NCKAP5: variants seen among roughly 807,000 people sequenced by gnomAD.
NCKAP5 encodes NCK associated protein 5.
In NCKAP5, 92 loss-of-function variants were observed where a neutral mutation model predicts 167.0. That is an observed-to-expected ratio of 0.55 (90% CI 0.47 to 0.66). NCKAP5 has a LOEUF of 0.66. Ranked by LOEUF, NCKAP5 falls within the 30% of genes least tolerant of loss-of-function variation. NCKAP5 has a pLI of 0.00. For synonymous variants in NCKAP5, 891 were observed against 877.4 expected (o/e 1.02, Z -0.27); for missense variants, 2,378 against 2,315.0 (o/e 1.03, Z -0.56).
At chr2:132,711,724 T>G (rs1410869275) in intron 19 of NCKAP5, among the ~76,000 whole-genome samples, 1 of 152,036 alleles carries the variant, frequency 6.6e-6, no homozygotes. Context: ...ACCCTCCTTT[T>G]CCCTCCCTCA....
chr2:133,369,222 T>C (rs1245946089), intron 3 of NCKAP5, among the ~76,000 whole-genome samples: 2 of 152,114 alleles, frequency 1.3e-5, no homozygotes, highest in African/African-American at 2.4e-5. Flanking sequence ...AGAAGTGGCA[T>C]GTAGGGTGGA....
rs567242460 is a variant in NCKAP5, at chr2:132,702,262, A to C, written c.5713+23365T>G. On this transcript the variant is annotated intron_variant, in intron 19 of 19. Transcript: ENST00000409261. ...AGCTCCCGTCCACTGTCACTTTGGA[A>C]AGGTTTGTGATGAGCAACATCAGAG... Among the ~76,000 whole-genome samples, 357 of 152,248 alleles carry C rather than the reference A, an allele frequency of 2.3e-3. 1 individual carries two copies. Among genetic ancestry groups the C allele is most frequent in the African/African-American group, 8.2e-3 (341 of 41,548 alleles).
intron 3 of NCKAP5, among the ~76,000 whole-genome samples, chr2:133,347,140 A>G (rs888414738): frequency 2.0e-5 from 3 of 152,252 alleles, no homozygotes; most frequent in African/African-American, 7.2e-5. Context: ...AAATACTCCT[A>G]AACGTAGTAA....
intron 15 of NCKAP5, among the ~76,000 whole-genome samples, chr2:132,780,227 C>A (rs929742031): frequency 3.3e-5 from 5 of 152,200 alleles, no homozygotes; most frequent in African/African-American, 1.2e-4. Flanking sequence ...TCTCGGCTCG[C>A]TGCAAGCTCT....
intron 5 of NCKAP5, among the ~76,000 whole-genome samples, chr2:133,198,958 G>T (rs955363677): frequency 4.6e-5 from 7 of 152,048 alleles, no homozygotes; most frequent in Non-Finnish European, 1.0e-4. Context: ...ATTGAGTTGT[G>T]CATGTAGAGA....
rs149415031 is a variant in NCKAP5 at position 133,205,403 on chromosome 2, A to C, written c.207+8313T>G. ...AAAATTGTCCATTTTATTCTCACTAAATTGTAATTCTACTTCCATTATATA... is the reference window on the plus strand; with the variant it reads ...AAAATTGTCCATTTTATTCTCACTACATTGTAATTCTACTTCCATTATATA... On this transcript the variant is annotated intron_variant, in intron 5 of 19. Coordinates refer to ENST00000409261, the MANE Select transcript of NCKAP5 (RefSeq NM_207363.3). 9.1e-4 allele frequency among the ~76,000 whole-genome samples: 139 copies of C among 152,240 alleles called. 1 individual carries two copies. The highest frequency in any genetic ancestry group is 3.0e-3 in the African/African-American group (126 of 41,552).
Position 133,034,529 on chromosome 2 carries a change from T to C in NCKAP5, c.342-40290A>G, listed in dbSNP as rs528669974. 7.3e-5 allele frequency among the ~76,000 whole-genome samples: 11 copies of C among 151,516 alleles called. No homozygotes were observed. The East Asian group carries it at 1.9e-3, about 27-fold the overall frequency. ...TCTTATTGTATGTAGAAAGACTAAATGATGAACTAATAAAAATAATAACTA... is the reference window on the plus strand; with the variant it reads ...TCTTATTGTATGTAGAAAGACTAAACGATGAACTAATAAAAATAATAACTA... On this transcript the variant is annotated intron_variant, in intron 6 of 19. Coordinates refer to ENST00000409261, the MANE Select transcript of NCKAP5 (RefSeq NM_207363.3).
intron 5 of NCKAP5, among the ~76,000 whole-genome samples, chr2:133,154,345 A>T (rs1298148641): frequency 6.6e-6 from 1 of 152,222 alleles, no homozygotes; most frequent in Non-Finnish European, 1.5e-5. Context: ...CTCACAAATG[A>T]GGGACCATGT....
chr2:133,187,866 T>C (rs1402128935), intron 5 of NCKAP5, among the ~76,000 whole-genome samples: 1 of 152,082 alleles, frequency 6.6e-6, no homozygotes, highest in Non-Finnish European at 1.5e-5. Flanking sequence ...TGAGCCTATA[T>C]GCGTTTGCAC....
At chr2:133,572,847 G>T (rs1688916274), upstream of NCKAP5, among the ~76,000 whole-genome samples, 1 of 152,130 alleles carries the variant, frequency 6.6e-6, no homozygotes, top group African/African-American at 2.4e-5. Flanking sequence ...TTAGAACGTG[G>T]CCCATGTCAT....
intron 16 of NCKAP5, among the ~76,000 whole-genome samples, chr2:132,757,171 T>A (rs529592400): frequency 2.0e-5 from 3 of 152,162 alleles, no homozygotes; most frequent in Non-Finnish European, 4.4e-5. Flanking sequence ...GAAAACATCA[T>A]CCTTTTATCT....
chr2:133,338,633 C>T (rs1683370873), intron 3 of NCKAP5, among the ~76,000 whole-genome samples: 1 of 152,170 alleles, frequency 6.6e-6, no homozygotes, highest in Non-Finnish European at 1.5e-5. Context: ...CTAAAACTAC[C>T]AAGTGTTTTC....
chr2:133,502,834 A>AGAAT (rs923088122), intron 3 of NCKAP5, among the ~76,000 whole-genome samples: 2 of 152,230 alleles, frequency 1.3e-5, no homozygotes, highest in African/African-American at 2.4e-5. Context: ...GATGAATGAA[A>AGAAT]GAATGAATGA....
At chr2:132,955,626 ATG>A in intron 8 of NCKAP5, among the ~76,000 whole-genome samples, 1 of 152,246 alleles carries the variant, frequency 6.6e-6, no homozygotes, top group South Asian at 2.1e-4. Flanking sequence ...ATACATGTGC[ATG>A]TGTCTTTATA....
chr2:133,160,433 C>CTTTTTTTTTTT (rs869057265), intron 5 of NCKAP5, among the ~76,000 whole-genome samples: 1 of 100,864 alleles, frequency 9.9e-6, no homozygotes, highest in Non-Finnish European at 2.0e-5. Flanking sequence ...CTTTTCCTTT[C>CTTTTTTTTTTT]TTTTTCTTTT....
intron 5 of NCKAP5, among the ~76,000 whole-genome samples, chr2:133,174,065 C>G (rs551785892): frequency 6.6e-6 from 1 of 152,112 alleles, no homozygotes; most frequent in Non-Finnish European, 1.5e-5. Context: ...CAATTTTTCT[C>G]CTAATATTCT....
intron 4 of NCKAP5, among the ~76,000 whole-genome samples, chr2:133,282,965 A>G (rs2089982014): frequency 6.6e-6 from 1 of 152,214 alleles, no homozygotes; most frequent in African/African-American, 2.4e-5. Flanking sequence ...AGGAGATGCC[A>G]AGATAAACAG....
At chr2:133,556,474 C>T (rs776988988) in intron 2 of NCKAP5, among the ~76,000 whole-genome samples, 3 of 152,180 alleles carry the variant, frequency 2.0e-5, no homozygotes, top group Non-Finnish European at 4.4e-5. Context: ...GTGGGATTAA[C>T]TCCTTCTCCC....
chr2:133,193,926 T>C (rs1193428162), intron 5 of NCKAP5, among the ~76,000 whole-genome samples: 1 of 152,130 alleles, frequency 6.6e-6, no homozygotes, highest in Non-Finnish European at 1.5e-5. Context: ...ATTGATAATT[T>C]TCTACAAACA....
Sources: gnomAD v4.1 joint callset for allele counts (sites outside exome capture counted in the v4.1 genomes callset) on GRCh38, gnomAD v4.1.1 for gene constraint, MANE v1.5 for transcripts, NCBI Gene and HGNC (gene_info 2026-07-23, HGNC 2026-07-21) for gene names.